CNTNAP2: variants seen among roughly 807,000 people sequenced by gnomAD.
CNTNAP2 encodes the protein contactin associated protein 2.
In CNTNAP2, 98 loss-of-function variants were observed where a neutral mutation model predicts 155.2. The observed-to-expected ratio is 0.63, with a 90% CI of 0.54 to 0.75. The LOEUF (loss-of-function observed/expected upper bound fraction) is 0.75. Ranked by LOEUF, CNTNAP2 falls within the 30% of genes least tolerant of loss-of-function variation. The pLI, the probability that CNTNAP2 is intolerant of heterozygous loss-of-function variation, is 0.00. For synonymous variants in CNTNAP2, 651 were observed against 631.2 expected (o/e 1.03, Z -0.47); for missense variants, 1,727 against 1,688.1 (o/e 1.02, Z -0.40).
At chr7:148,263,331 G>A (rs1263013456) in intron 20 of CNTNAP2, 1 of 152,098 alleles carries the variant, frequency 6.6e-6, no homozygotes, top group African/African-American at 2.4e-5. Context: ...GGCTAGGAGT[G>A]TTCATTATGT....
chr7:146,459,264 A>T (rs931314604), intron 1 of CNTNAP2, among the ~76,000 whole-genome samples: 1 of 152,138 alleles, frequency 6.6e-6, no homozygotes, highest in African/African-American at 2.4e-5. Flanking sequence ...GAAGGAGAAA[A>T]TATATAGATG....
chr7:147,704,177 A>G (rs1796276578), intron 13 of CNTNAP2: 2 of 152,178 alleles, frequency 1.3e-5, no homozygotes, highest in African/African-American at 4.8e-5. Flanking sequence ...ATTCGCTAAT[A>G]CATTTTCTTT....
At chr7:147,274,099 A>G (rs1391190684) in intron 8 of CNTNAP2, among the ~76,000 whole-genome samples, 1 of 151,828 alleles carries the variant, frequency 6.6e-6, no homozygotes, top group Non-Finnish European at 1.5e-5. Flanking sequence ...ATCTGTTGAT[A>G]CACACTTAGG....
chr7:148,288,904 T>C (rs1797139920), intron 21 of CNTNAP2, among the ~76,000 whole-genome samples: 2 of 146,650 alleles, frequency 1.4e-5, no homozygotes, highest in South Asian at 4.3e-4. Flanking sequence ...TCATTCTACT[T>C]TGACTTTTTA....
intron 14 of CNTNAP2, among the ~76,000 whole-genome samples, chr7:147,924,455 C>T (rs759637109): frequency 6.6e-6 from 1 of 152,104 alleles, no homozygotes; most frequent in African/African-American, 2.4e-5. Context: ...AGCACTTTAT[C>T]TGCATTTCCT....
At chr7:147,036,478 G>A (rs533882368) in intron 3 of CNTNAP2, among the ~76,000 whole-genome samples, 1 of 152,034 alleles carries the variant, frequency 6.6e-6, no homozygotes, top group South Asian at 2.1e-4. Context: ...AGAACCATAG[G>A]TTTAACATTT....
At chr7:148,210,947 G>A (rs909024051) in intron 18 of CNTNAP2, among the ~76,000 whole-genome samples, 1 of 152,250 alleles carries the variant, frequency 6.6e-6, no homozygotes, top group African/African-American at 2.4e-5. Context: ...CAGCATTGCA[G>A]TATCTTGGGA....
In CNTNAP2 at chr7:146,160,938, A is replaced by G. The variant is rs561999483; in HGVS notation, c.97+43965A>G. ...AGACCAATATCTCTGATGAATATCG[A>G]TGCAAAAATCCTCAATAAAATACTG... On this transcript the variant is annotated intron_variant, in intron 1 of 23. Coordinates refer to ENST00000361727, the MANE Select transcript of CNTNAP2 (RefSeq NM_014141.6). 1.3e-3 allele frequency among the ~76,000 whole-genome samples: 197 copies of G among 152,330 alleles called. 4 individuals are homozygous for G. In the East Asian group the frequency reaches 0.035, roughly 27 times the overall value.
intron 1 of CNTNAP2, among the ~76,000 whole-genome samples, chr7:146,529,785 T>C (rs1013425395): frequency 6.6e-6 from 1 of 151,932 alleles, no homozygotes; most frequent in Non-Finnish European, 1.5e-5. Context: ...GCCAACATGG[T>C]GAAACCCCGT....
intron 21 of CNTNAP2, among the ~76,000 whole-genome samples, chr7:148,282,219 C>T (rs1796986798): frequency 6.6e-6 from 1 of 152,170 alleles, no homozygotes; most frequent in African/African-American, 2.4e-5. Flanking sequence ...ATAATTAATA[C>T]ATCATAACCT....
At chr7:147,037,783 T>C (rs1247319312) in intron 3 of CNTNAP2, among the ~76,000 whole-genome samples, 1 of 152,162 alleles carries the variant, frequency 6.6e-6, no homozygotes, top group East Asian at 1.9e-4. Context: ...AAATAATAGA[T>C]ATATACATGT....
At chr7:147,148,472 A>T (rs1457208317) in intron 8 of CNTNAP2, among the ~76,000 whole-genome samples, 3 of 152,198 alleles carry the variant, frequency 2.0e-5, no homozygotes, top group African/African-American at 7.2e-5. Flanking sequence ...TGGATAGGAA[A>T]AACCTAAAAT....
intron 8 of CNTNAP2, among the ~76,000 whole-genome samples, chr7:147,143,432 A>G (rs1294155249): frequency 6.6e-6 from 1 of 152,194 alleles, no homozygotes; most frequent in African/African-American, 2.4e-5. Flanking sequence ...TATTGTTAAG[A>G]TATTTGATAC....
intron 13 of CNTNAP2, among the ~76,000 whole-genome samples, chr7:147,656,257 G>C (rs1395555149): frequency 6.6e-6 from 1 of 152,176 alleles, no homozygotes; most frequent in African/African-American, 2.4e-5. Context: ...TCTTTCATCT[G>C]TTCACTGGAG....
chr7:147,612,288 A>T (rs1801202322), intron 12 of CNTNAP2, among the ~76,000 whole-genome samples: 1 of 152,172 alleles, frequency 6.6e-6, no homozygotes, highest in Admixed American at 6.5e-5. Context: ...TATAAAGTTT[A>T]CCTGAAATAA....
chr7:147,533,008 C>T (rs1187089411), intron 11 of CNTNAP2, among the ~76,000 whole-genome samples: 4 of 152,146 alleles, frequency 2.6e-5, no homozygotes, highest in African/African-American at 9.7e-5. Flanking sequence ...TACTCATATA[C>T]TGCCCCATTT....
intron 15 of CNTNAP2, among the ~76,000 whole-genome samples, chr7:148,066,533 T>C (rs1803266901): frequency 6.6e-6 from 1 of 152,164 alleles, no homozygotes; most frequent in Non-Finnish European, 1.5e-5. Flanking sequence ...AGTCTCACTC[T>C]TTCGCCCAGG....
intron 4 of CNTNAP2, among the ~76,000 whole-genome samples, chr7:147,061,309 T>C (rs73467060): frequency 0.059 from 9,043 of 152,236 alleles, 695 homozygotes; most frequent in African/African-American, 0.18. Context: ...AAATGATTAG[T>C]CAAAATTGTG....
chr7:148,030,405 T>A (rs1802455121), intron 15 of CNTNAP2, among the ~76,000 whole-genome samples: 1 of 152,216 alleles, frequency 6.6e-6, no homozygotes, highest in Non-Finnish European at 1.5e-5. Context: ...TTTTAAAATA[T>A]GGAGTTAAAG....
Sources: gnomAD v4.1 joint callset for allele counts (sites outside exome capture counted in the v4.1 genomes callset) on GRCh38, gnomAD v4.1.1 for gene constraint, MANE v1.5 for transcripts, NCBI Gene and HGNC (gene_info 2026-07-23, HGNC 2026-07-21) for gene names.